Variants in CLPB observed in about 807,000 individuals in gnomAD.
The protein encoded by CLPB is mitochondrial disaggregase.
CLPB carries 40 observed loss-of-function variants against 78.4 expected under a neutral mutation model. The observed-to-expected ratio is 0.51, with a 90% CI of 0.40 to 0.66. The LOEUF is 0.66. Ranked by LOEUF, CLPB falls within the 30% of genes least tolerant of loss-of-function variation. The pLI, the probability that CLPB is intolerant of heterozygous loss-of-function variation, is 0.00. For synonymous variants in CLPB, 333 were observed against 348.0 expected (o/e 0.96, Z 0.48); for missense variants, 780 against 886.9 (o/e 0.88, Z 1.53).
At chr11:72,415,260 G>A (rs1003791319) in intron 2 of CLPB, among the ~76,000 whole-genome samples, 1 of 152,142 alleles carries the variant, frequency 6.6e-6, no homozygotes, top group Admixed American at 6.6e-5. Context: ...AGTAGCAGCC[G>A]GGGATGAAGC....
intron 3 of CLPB, among the ~76,000 whole-genome samples, chr11:72,391,723 G>A (rs1855259757): frequency 6.6e-6 from 1 of 152,088 alleles, no homozygotes; most frequent in Admixed American, 6.5e-5. Flanking sequence ...CTCCTTCCTG[G>A]GCTACAGAAA....
At chr11:72,309,848 C>A (rs1293732688) in intron 7 of CLPB, among the ~76,000 whole-genome samples, 1 of 152,160 alleles carries the variant, frequency 6.6e-6, no homozygotes, top group Non-Finnish European at 1.5e-5. Flanking sequence ...GGATAGATGT[C>A]AGAGAACAAG....
Position 72,329,740 on chromosome 11 carries a change from T to C in CLPB, c.840A>G (p.Glu280=), listed in dbSNP as rs36049191. The C allele has an allele frequency of 0.045, 72,032 of 1,613,572 alleles. 3,542 individuals are homozygous for C. Among genetic ancestry groups the C allele is most frequent in the African/African-American group, 0.23 (16,867 of 74,910 alleles). Residue 280 remains glutamate (E), a synonymous_variant, in exon 6 of 16, where the codon GAA becomes GAG. Transcript: ENST00000538039. ...HTPLDYAREG[E]VMKLLRTSEA... ...CAGAAGTCCTCAGAAGCTTCATCACTTCCCCTTCTCGGGCATAATCCAAGG... is the reference window on the plus strand; with the variant it reads ...CAGAAGTCCTCAGAAGCTTCATCACCTCCCCTTCTCGGGCATAATCCAAGG...
chr11:72,297,101 G>C (rs1319681081), intron 11 of CLPB, among the ~76,000 whole-genome samples: 2 of 152,174 alleles, frequency 1.3e-5, no homozygotes, highest in African/African-American at 4.8e-5. Flanking sequence ...ATGCAACTGG[G>C]ACAGGTGCTA....
At chr11:72,340,076 C>T (rs568189004) in intron 5 of CLPB, among the ~76,000 whole-genome samples, 3 of 152,294 alleles carry the variant, frequency 2.0e-5, no homozygotes, top group African/African-American at 7.2e-5. Context: ...ATTTAGCCAG[C>T]AGGGCTACCC....
intron 5 of CLPB, among the ~76,000 whole-genome samples, chr11:72,345,909 T>A (rs1950504166): frequency 6.6e-6 from 1 of 152,208 alleles, no homozygotes; most frequent in African/African-American, 2.4e-5. Flanking sequence ...TTTTCTACAG[T>A]GGCATGGGTA....
chr11:72,373,062 C>A, intron 4 of CLPB: 1 of 1,542,286 alleles, frequency 6.5e-7, no homozygotes, highest in Non-Finnish European at 9.0e-7. Flanking sequence ...CCAGGTCCTG[C>A]AGGCCCTGGA....
rs570732954 is a variant in CLPB at position 72,295,765 on chromosome 11, GC to G, written c.1330-118del. On this transcript the variant is annotated intron_variant, in intron 11 of 15. Transcript: ENST00000538039. ...CCCCAGAGCCCTGTGTCTCCCTCCA[GC>G]CCCAGCAGCCAGCTGCTTCCTCCTC... 180 of 969,132 alleles carry G rather than the reference GC, an allele frequency of 1.9e-4. No individual in the cohort carries two copies. In the African/African-American group the frequency reaches 2.8e-3, roughly 15 times the overall value. The allele number at this position is 969,132 out of a possible 1,614,324, so 60.0% of individuals were successfully genotyped here.
In CLPB at chr11:72,334,638, G is replaced by C. The variant is rs1950288286; in HGVS notation, c.776-4834C>G. The stretch of plus-strand genomic sequence containing the variant: ...TGCCCTCTCCAGGGGCATCAGGATG[G>C]CCCGTGCCCTGGCCTGACCTCCCCT... On this transcript the variant is annotated intron_variant, in intron 5 of 15. Transcript: ENST00000538039. 5.3e-5 allele frequency among the ~76,000 whole-genome samples: 8 copies of C among 152,362 alleles called. No homozygotes were observed. In the South Asian group the frequency reaches 1.7e-3, roughly 32 times the overall value.
intron 2 of CLPB, among the ~76,000 whole-genome samples, chr11:72,414,410 T>C (rs1482072404): frequency 6.6e-6 from 1 of 152,168 alleles, no homozygotes; most frequent in African/African-American, 2.4e-5. Flanking sequence ...ACTACAGCAG[T>C]GAGACACAAA....
Position 72,337,063 on chromosome 11 carries a change from C to T in CLPB, c.776-7259G>A, listed in dbSNP as rs925392682. ...TGCCACTTTCATATCTTGGTTTAGTCTTCACATCCAGTATGTATGGGGCTA... is the reference window on the plus strand; with the variant it reads ...TGCCACTTTCATATCTTGGTTTAGTTTTCACATCCAGTATGTATGGGGCTA... On this transcript the variant is annotated intron_variant, in intron 5 of 15. Transcript: ENST00000538039. The T allele has an allele frequency of 3.5e-5, 14 of 398,618 alleles. No individual in the cohort carries two copies. The South Asian group carries it at 8.9e-4, about 25-fold the overall frequency. The allele number at this position is 398,618 out of a possible 1,614,324, so 24.7% of individuals were successfully genotyped here.
Position 72,405,927 on chromosome 11 carries a change from C to CA in CLPB, c.456-2876dup, listed in dbSNP as rs879763337. ...CGGGCGACAGAGTGAGACTCTGTCT[C>CA]AAAAAAAAAAAAAGAATCCTCTTCA... On this transcript the variant is annotated intron_variant, in intron 2 of 15. Coordinates refer to ENST00000538039, the MANE Select transcript of CLPB (RefSeq NM_001258392.3). Among the ~76,000 whole-genome samples the CA allele has an allele frequency of 3.8e-3, 477 of 124,012 alleles. 1 individual carries two copies. The highest frequency in any genetic ancestry group is 0.033 in the Middle Eastern group (8 of 246). 81.4% of individuals were successfully genotyped at this position (124,012 alleles called of 152,430 possible).
intron 4 of CLPB, among the ~76,000 whole-genome samples, chr11:72,378,993 G>A (rs973474299): frequency 1.3e-5 from 2 of 152,172 alleles, no homozygotes; most frequent in African/African-American, 2.4e-5. Context: ...CTTAAGAGAA[G>A]GAGCAGGTTT....
chr11:72,331,062 TTTATTAA>T (rs1950216075), intron 5 of CLPB, among the ~76,000 whole-genome samples: 1 of 152,096 alleles, frequency 6.6e-6, no homozygotes. Flanking sequence ...TAAAAATTTT[TTTATTAA>T]AATTTTAATT....
chr11:72,430,494 T>C, intron 1 of CLPB, 131 bp from the exon 2 acceptor site: 1 of 698,238 alleles, frequency 1.4e-6, no homozygotes, highest in Non-Finnish European at 2.4e-6. Context: ...GATGTCACAA[T>C]ATATAATGAG....
At chr11:72,337,197 G>A (rs527523439) in intron 5 of CLPB, 2 of 398,580 alleles carry the variant, frequency 5.0e-6, no homozygotes, top group Admixed American at 4.4e-5. Flanking sequence ...ATAGAGCTCT[G>A]GTCTTCTGAT....
rs1464583884 is a variant in CLPB, at chr11:72,297,702, T to TGTGTGTGTGTGTGA, written c.1330-2055_1330-2054insTCACACACACACAC. Among the ~76,000 whole-genome samples, 56 of 129,652 alleles carry TGTGTGTGTGTGTGA rather than the reference T, an allele frequency of 4.3e-4. 5 individuals are homozygous for TGTGTGTGTGTGTGA. Among genetic ancestry groups the TGTGTGTGTGTGTGA allele is most frequent in the South Asian group, 7.7e-4 (3 of 3,896 alleles). 85.1% of individuals were successfully genotyped at this position (129,652 alleles called of 152,430 possible). On this transcript the variant is annotated intron_variant, in intron 11 of 15. Transcript: ENST00000538039. Reference sequence around the variant, plus strand: ...GTGTGTGTGTGTGTGTGTGTGTGTGTGACATGTCCAAGCATGTGCATATGA... The same window carrying TGTGTGTGTGTGTGA: ...GTGTGTGTGTGTGTGTGTGTGTGTGTGTGTGTGTGTGTGAGACATGTCCAAGCATGTGCATATGA...
At chr11:72,387,338 A>G (rs1590880406) in intron 3 of CLPB, among the ~76,000 whole-genome samples, 1 of 152,222 alleles carries the variant, frequency 6.6e-6, no homozygotes, top group African/African-American at 2.4e-5. Flanking sequence ...ATACACATAA[A>G]GTAGCTTAGA....
chr11:72,303,731 T>C (rs917929029), intron 9 of CLPB, among the ~76,000 whole-genome samples: 1 of 152,342 alleles, frequency 6.6e-6, no homozygotes, highest in South Asian at 2.1e-4. Context: ...TCAAGAGATC[T>C]GCAGGTTTCA....
Sources: gnomAD v4.1 joint callset for allele counts (sites outside exome capture counted in the v4.1 genomes callset) on GRCh38, gnomAD v4.1.1 for gene constraint, MANE v1.5 for transcripts, NCBI Gene and HGNC (gene_info 2026-07-23, HGNC 2026-07-21) for gene names.